The following SOBP variants were observed in gnomAD, a reference collection of about 807,000 sequenced individuals.
SOBP encodes the protein sine oculis-binding protein homolog.
Under a neutral mutation model 53.6 loss-of-function variants are expected in SOBP, and 4 were observed. The observed-to-expected ratio is 0.07, with a 90% CI of 0.04 to 0.17. The LOEUF is 0.17. Ranked by LOEUF, SOBP falls within the 10% of genes least tolerant of loss-of-function variation. The probability of loss-of-function intolerance (pLI) is 1.00; values close to 1 mark genes in which losing one functional copy is unlikely to be tolerated. For synonymous variants in SOBP, 584 were observed against 522.6 expected (o/e 1.12, Z -1.60); for missense variants, 1,088 against 1,204.7 (o/e 0.90, Z 1.43).
intron 6 of SOBP, among the ~76,000 whole-genome samples, chr6:107,650,471 T>C (rs1003595105): frequency 6.6e-6 from 1 of 152,258 alleles, no homozygotes; most frequent in African/African-American, 2.4e-5. Flanking sequence ...TCCAACAGCA[T>C]GTGCTCACTT....
At chr6:107,630,165 C>A (rs1032852098) in intron 5 of SOBP, among the ~76,000 whole-genome samples, 2 of 152,162 alleles carry the variant, frequency 1.3e-5, no homozygotes, top group African/African-American at 4.8e-5. Flanking sequence ...GAGCTCAGTG[C>A]GTAAATCCCT....
At chr6:107,532,935 C>G (rs184436127) in intron 3 of SOBP, among the ~76,000 whole-genome samples, 46 of 152,286 alleles carry the variant, frequency 3.0e-4, no homozygotes, top group Non-Finnish European at 5.4e-4. Flanking sequence ...GGAATTATTA[C>G]ATTGCAAGAA....
chr6:107,648,663 G>C (rs1002627493), intron 6 of SOBP, among the ~76,000 whole-genome samples: 15 of 152,126 alleles, frequency 9.9e-5, no homozygotes, highest in Admixed American at 7.9e-4. Context: ...GGCAAAGAAG[G>C]GGGGAGATGG....
intron 4 of SOBP, among the ~76,000 whole-genome samples, chr6:107,555,408 T>G (rs1267186145): frequency 6.6e-6 from 1 of 152,186 alleles, no homozygotes; most frequent in East Asian, 1.9e-4. Context: ...CCTTGCCAAA[T>G]CTGAGTATTT....
intron 6 of SOBP, among the ~76,000 whole-genome samples, chr6:107,656,968 C>T (rs1232910053): frequency 6.6e-6 from 1 of 152,206 alleles, no homozygotes; most frequent in Non-Finnish European, 1.5e-5. Flanking sequence ...TTCTGACAGC[C>T]TCATTTATTG....
At chr6:107,585,710 A>G (rs117798580) in intron 4 of SOBP, among the ~76,000 whole-genome samples, 2,256 of 152,288 alleles carry the variant, frequency 0.015, 29 homozygotes, top group Non-Finnish European at 0.023. Context: ...CCTAAATATT[A>G]CTGACCATGA....
Position 107,490,722 on chromosome 6 carries a change from G to T in SOBP, c.96+10G>T, listed in dbSNP as rs777023662. 4 of 1,574,016 alleles carry T rather than the reference G, an allele frequency of 2.5e-6. No individual in the cohort carries two copies. Among genetic ancestry groups the T allele is most frequent in the African/African-American group, 1.4e-5 (1 of 74,064 alleles). Reference sequence around the variant, plus strand: ...CAATGAGGAGATGAAGGTATTTTTTGATCTCGGGGGCCAGGGAGACTGAGC... The same window carrying T: ...CAATGAGGAGATGAAGGTATTTTTTTATCTCGGGGGCCAGGGAGACTGAGC... On this transcript the variant is annotated intron_variant, in intron 1 of 6. Coordinates refer to ENST00000317357, the MANE Select transcript of SOBP (RefSeq NM_018013.4).
At chr6:107,653,188 G>A (rs1217305551) in intron 6 of SOBP, among the ~76,000 whole-genome samples, 1 of 152,232 alleles carries the variant, frequency 6.6e-6, no homozygotes, top group African/African-American at 2.4e-5. Flanking sequence ...TGATGGAGGA[G>A]AGAAGGAATC....
intron 5 of SOBP, among the ~76,000 whole-genome samples, chr6:107,623,544 G>A (rs749872743): frequency 1.3e-5 from 2 of 152,116 alleles, no homozygotes; most frequent in Non-Finnish European, 1.5e-5. Context: ...GATAGGCAGA[G>A]AACATCTGCT....
chr6:107,615,884 T>C (rs1786764667), intron 5 of SOBP, among the ~76,000 whole-genome samples: 1 of 151,472 alleles, frequency 6.6e-6, no homozygotes, highest in Non-Finnish European at 1.5e-5. Context: ...TATCCAGGCA[T>C]GGTGGTGTAT....
intron 6 of SOBP, among the ~76,000 whole-genome samples, chr6:107,638,422 G>A (rs1047530930): frequency 1.3e-5 from 2 of 152,148 alleles, no homozygotes; most frequent in African/African-American, 4.8e-5. Context: ...TGTTGGCCAG[G>A]CTGGTCTCGA....
At chr6:107,512,334 C>T (rs111998184) in intron 3 of SOBP, among the ~76,000 whole-genome samples, 76 of 152,212 alleles carry the variant, frequency 5.0e-4, no homozygotes, top group African/African-American at 1.8e-3. Flanking sequence ...AGACTTCATT[C>T]GAAGATGATC....
intron 3 of SOBP, among the ~76,000 whole-genome samples, chr6:107,524,781 A>T (rs1398761593): frequency 6.6e-6 from 1 of 152,218 alleles, no homozygotes. Context: ...CTTCCTGATA[A>T]TTAATGACCC....
At chr6:107,586,803 G>A (rs1295344838) in intron 4 of SOBP, among the ~76,000 whole-genome samples, 1 of 152,128 alleles carries the variant, frequency 6.6e-6, no homozygotes, top group Non-Finnish European at 1.5e-5. Flanking sequence ...AACTAAGGTG[G>A]TGGTAATTGC....
Position 107,633,815 on chromosome 6 carries a change from C to G in SOBP, c.971C>G (p.Pro324Arg). 1.2e-6 allele frequency: 2 copies of G among 1,614,128 alleles called. No homozygotes were observed. The highest frequency in any genetic ancestry group is 1.6e-4 in the Middle Eastern group (1 of 6,062). Reference protein sequence around the residue: ...PVATAGQSQGPGPSASTTVSP... With the variant: ...PVATAGQSQGRGPSASTTVSP... ...GCTACAGCTGGCCAAAGCCAGGGCCCTGGCCCGTCGGCGTCCACCACCGTC... is the reference window on the plus strand; with the variant it reads ...GCTACAGCTGGCCAAAGCCAGGGCCGTGGCCCGTCGGCGTCCACCACCGTC... Residue 324 changes from proline (P) to arginine (R), a missense_variant, in exon 6 of 7, where the codon CCT (proline) becomes CGT (arginine). Transcript: ENST00000317357.
chr6:107,510,320 G>A (rs1157939782), intron 3 of SOBP, among the ~76,000 whole-genome samples: 3 of 152,188 alleles, frequency 2.0e-5, no homozygotes, highest in Admixed American at 6.5e-5. Flanking sequence ...ATAACAGGAA[G>A]GTGACTAGAG....
intron 3 of SOBP, among the ~76,000 whole-genome samples, chr6:107,507,040 TG>T (rs1430963398): frequency 4.5e-4 from 66 of 147,328 alleles, no homozygotes; most frequent in Non-Finnish European, 6.7e-4. Context: ...CACTCCAACC[TG>T]GGCAACAAGA....
In SOBP at chr6:107,634,527, C is replaced by T. The variant is rs1021215213; in HGVS notation, c.1683C>T (p.Asn561=). 5.8e-5 allele frequency: 94 copies of T among 1,610,810 alleles called. No individual in the cohort carries two copies. The highest frequency in any genetic ancestry group is 7.6e-5 in the Non-Finnish European group (90 of 1,179,906). The change falls in exon 6 of 7, where the codon AAC becomes AAT. Residue 561 remains asparagine (N), a synonymous_variant. Coordinates refer to ENST00000317357, the MANE Select transcript of SOBP (RefSeq NM_018013.4). This position sits in a 1 kb window ranked among gnomAD's most constrained non-coding sequence, Gnocchi z 4.5. ...PPNGFSSNGE[N]FIPNAPGDSA... is the part of the protein sequence containing the mutation. ...ACGGGTTCTCCAGCAACGGGGAGAA[C>T]TTCATTCCGAACGCCCCTGGCGACT...
chr6:107,562,990 A>G (rs1336803356), intron 4 of SOBP, among the ~76,000 whole-genome samples: 2 of 152,188 alleles, frequency 1.3e-5, no homozygotes, highest in East Asian at 3.9e-4. Context: ...TCATAATACA[A>G]ATTTTGAGAG....
Sources: allele counts gnomAD v4.1 joint callset (sites outside exome capture counted in the v4.1 genomes callset), GRCh38; gene constraint gnomAD v4.1.1; non-coding constraint Gnocchi (gnomAD v3.1); transcripts MANE v1.5; gene names NCBI Gene and HGNC (gene_info 2026-07-23, HGNC 2026-07-21).